Variants in ZNG1A observed in about 807,000 individuals in gnomAD.
The protein encoded by ZNG1A is Zn regulated GTPase metalloprotein activator 1A.
chr9:162,383 T>C, the ZNG1A span: 9 of 1,391,892 alleles, frequency 6.5e-6, 1 homozygote, highest in Non-Finnish European at 8.7e-6. Flanking sequence ...TCAATCCCCA[T>C]ATTCCCAGCT....
At chr9:149,475 A>T in the ZNG1A span, 96 of 152,096 alleles carry the variant, frequency 6.3e-4, no homozygotes, top group African/African-American at 2.3e-3. Context: ...GACTCAGGTC[A>T]ATGACTGTCT....
chr9:158,988 T>C, the ZNG1A span, among the ~76,000 whole-genome samples: 1 of 152,136 alleles, frequency 6.6e-6, no homozygotes, highest in Non-Finnish European at 1.5e-5. Flanking sequence ...CAATAATACA[T>C]TCTATACCAT....
the ZNG1A span, chr9:167,610 A>G: frequency 1.3e-5 from 2 of 150,198 alleles, no homozygotes; most frequent in Non-Finnish European, 1.5e-5. Flanking sequence ...AGTACTGGTA[A>G]TAAGCACCAA....
the ZNG1A span, chr9:150,617 T>G: frequency 1.0e-6 from 1 of 982,758 alleles, no homozygotes; most frequent in South Asian, 4.8e-5. Flanking sequence ...CCCTAGATTC[T>G]CAGATGCACT....
At chr9:170,337 G>T in the ZNG1A span, among the ~76,000 whole-genome samples, 1 of 143,760 alleles carries the variant, frequency 7.0e-6, no homozygotes, top group Non-Finnish European at 1.5e-5. Flanking sequence ...GTACCTACTT[G>T]TGTGTGTGTG....
chr9:158,338 C>T, the ZNG1A span, among the ~76,000 whole-genome samples: 3 of 152,010 alleles, frequency 2.0e-5, no homozygotes, highest in Non-Finnish European at 2.9e-5. Context: ...AGTAAATCTA[C>T]TTAACAATGA....
At chr9:171,316 C>A in the ZNG1A span, among the ~76,000 whole-genome samples, 1 of 151,776 alleles carries the variant, frequency 6.6e-6, no homozygotes, top group East Asian at 1.9e-4. Flanking sequence ...ACAAATCGCC[C>A]CAATGCCAGA....
the ZNG1A span, among the ~76,000 whole-genome samples, chr9:139,977 C>G: frequency 1.3e-5 from 2 of 150,592 alleles, no homozygotes; most frequent in Admixed American, 6.6e-5. Flanking sequence ...CGGCGCACCA[C>G]GAGATTATAT....
chr9:161,704 A>C, the ZNG1A span: 1 of 885,382 alleles, frequency 1.1e-6, no homozygotes, highest in Admixed American at 2.3e-5. Flanking sequence ...CATACTTTTA[A>C]AGATCTTACT....
chr9:164,796 T>C, the ZNG1A span, among the ~76,000 whole-genome samples: 2 of 151,804 alleles, frequency 1.3e-5, no homozygotes, highest in African/African-American at 4.8e-5. Context: ...AGAATGAGTG[T>C]AGGAGAAAAA....
chr9:158,369 T>A, the ZNG1A span, among the ~76,000 whole-genome samples: 1 of 151,838 alleles, frequency 6.6e-6, no homozygotes, highest in Non-Finnish European at 1.5e-5. Flanking sequence ...GCAAGGCATC[T>A]GCCTCTGAAT....
chr9:162,227 C>G, the ZNG1A span, among the ~76,000 whole-genome samples: 2 of 147,732 alleles, frequency 1.4e-5, no homozygotes, highest in South Asian at 4.4e-4. Context: ...ATTTTATCAC[C>G]AAATCAAACT....
chr9:164,939 T>C, the ZNG1A span, among the ~76,000 whole-genome samples: 3 of 152,034 alleles, frequency 2.0e-5, no homozygotes, highest in Non-Finnish European at 2.9e-5. Context: ...ATGCAAGATA[T>C]AGCAAGGGCC....
the ZNG1A span, among the ~76,000 whole-genome samples, chr9:177,183 C>T: frequency 6.6e-6 from 1 of 152,108 alleles, no homozygotes; most frequent in South Asian, 2.1e-4. Flanking sequence ...ATTTGGCAGG[C>T]TGGAAAGGTT....
chr9:162,403 G>GTTTCA, the ZNG1A span: 2 of 1,454,860 alleles, frequency 1.4e-6, no homozygotes, highest in Admixed American at 4.0e-5. Context: ...TCTCAATAAT[G>GTTTCA]ACCCACTCAT....
the ZNG1A span, among the ~76,000 whole-genome samples, chr9:152,231 T>A: frequency 6.6e-6 from 1 of 151,548 alleles, no homozygotes; most frequent in East Asian, 1.9e-4. Context: ...AAACAAAACT[T>A]GCTTTAAAAA....
chr9:145,379 T>G, the ZNG1A span, among the ~76,000 whole-genome samples: 1 of 150,770 alleles, frequency 6.6e-6, no homozygotes, highest in Non-Finnish European at 1.5e-5. Context: ...TAAAAAAGGA[T>G]GAGTTCATGT....
At chr9:154,609 C>T in the ZNG1A span, 7 of 862,804 alleles carry the variant, frequency 8.1e-6, 1 homozygote, top group Non-Finnish European at 1.1e-5. Flanking sequence ...AGCAGCTCAA[C>T]CTTATACCTT....
the ZNG1A span, among the ~76,000 whole-genome samples, chr9:125,314 T>C: frequency 2.7e-5 from 4 of 150,066 alleles, no homozygotes; most frequent in African/African-American, 7.4e-5. Context: ...TTAGTGATGT[T>C]GAGCATTTTT....
Sources: allele counts gnomAD v4.1 joint callset (sites outside exome capture counted in the v4.1 genomes callset), GRCh38; gene constraint gnomAD v4.1.1; transcripts MANE v1.5; gene names NCBI Gene and HGNC (gene_info 2026-07-23, HGNC 2026-07-21).